The following KCNN2 variants were observed in gnomAD, a reference collection of about 807,000 sequenced individuals.
KCNN2 encodes the protein small conductance calcium-activated potassium channel protein 2.
A neutral mutation model predicts 55.5 loss-of-function variants in KCNN2; 24 were observed. That is an observed-to-expected ratio of 0.43 (90% CI 0.31 to 0.61). KCNN2 has a LOEUF of 0.61. KCNN2 is among the 20% of genes least tolerant of loss of function. The pLI, the probability that KCNN2 is intolerant of heterozygous loss-of-function variation, is 0.08. For synonymous variants in KCNN2, 431 were observed against 336.1 expected (o/e 1.28, Z -3.09); for missense variants, 754 against 853.6 (o/e 0.88, Z 1.45).
At position 114,271,209 on chromosome 5, in the gene KCNN2, G is replaced by T. The variant is rs933718678; in HGVS notation, c.-185+49644G>T. 2.3e-4 allele frequency among the ~76,000 whole-genome samples: 35 copies of T among 152,074 alleles called. 1 individual carries two copies. The stretch of plus-strand genomic sequence containing the variant: ...TCGTGCGTTTACAAACCTTTAGCTA[G>T]ACACAGAGCACTGATTGGTGCATTT... On this transcript the variant is annotated intron_variant, in intron 2 of 10. Transcript: ENST00000512097.
intron 4 of KCNN2, 130 bp from the exon 5 acceptor site, chr5:114,472,923 TG>T: frequency 1.8e-6 from 1 of 543,798 alleles, no homozygotes; most frequent in Non-Finnish European, 3.3e-6. Flanking sequence ...ACACATTTTC[TG>T]TAATACTTAT....
intron 2 of KCNN2, among the ~76,000 whole-genome samples, chr5:114,274,574 G>T (rs1279410838): frequency 6.6e-6 from 1 of 152,014 alleles, no homozygotes; most frequent in African/African-American, 2.4e-5. Flanking sequence ...TGTATTCCTA[G>T]GTATTTTATT....
At position 114,390,386 on chromosome 5, in the gene KCNN2, C is replaced by T. The variant is rs138807088; in HGVS notation, c.1219-14052C>T. 2.8e-4 allele frequency among the ~76,000 whole-genome samples: 42 copies of T among 152,220 alleles called. 1 individual carries two copies. Among genetic ancestry groups the T allele is most frequent in the African/African-American group, 9.9e-4 (41 of 41,540 alleles). On this transcript the variant is annotated intron_variant, in intron 2 of 7. Coordinates refer to ENST00000673685, the MANE Select transcript of KCNN2 (RefSeq NM_021614.4). Reference sequence around the variant, plus strand: ...CTTTGAATTTCTCATTTCATCTAACCTTTATTTTCATCATTTCCAGTAGCT... The same window carrying T: ...CTTTGAATTTCTCATTTCATCTAACTTTTATTTTCATCATTTCCAGTAGCT...
intron 1 of KCNN2, among the ~76,000 whole-genome samples, chr5:114,070,896 C>G (rs1580482764): frequency 6.6e-6 from 1 of 152,096 alleles, no homozygotes; most frequent in Non-Finnish European, 1.5e-5. Context: ...GAATTAATGC[C>G]ATTTTTAAGA....
At chr5:114,295,260 GT>G (rs1238746692) in intron 2 of KCNN2, among the ~76,000 whole-genome samples, 9 of 152,202 alleles carry the variant, frequency 5.9e-5, no homozygotes, top group African/African-American at 2.2e-4. Flanking sequence ...GTCTGCAGAG[GT>G]TACTGCTGTC....
chr5:114,325,505 C>T (rs1756697143), intron 2 of KCNN2, among the ~76,000 whole-genome samples: 1 of 152,150 alleles, frequency 6.6e-6, no homozygotes. Context: ...ACACAAAAGG[C>T]ACTTGAAAGA....
intron 3 of KCNN2, among the ~76,000 whole-genome samples, chr5:114,426,952 C>T (rs960280596): frequency 7.2e-5 from 11 of 152,130 alleles, no homozygotes; most frequent in African/African-American, 1.4e-4. Flanking sequence ...ACACTCACAG[C>T]GGAAAGGAAA....
At chr5:114,104,384 C>T (rs906779159) in intron 1 of KCNN2, among the ~76,000 whole-genome samples, 2 of 151,984 alleles carry the variant, frequency 1.3e-5, no homozygotes, top group Non-Finnish European at 1.5e-5. Context: ...CTCCTGGATT[C>T]GTTCATTTTT....
chr5:114,123,292 A>G (rs6876085), intron 1 of KCNN2, among the ~76,000 whole-genome samples: 21,004 of 151,290 alleles, frequency 0.14, 1,648 homozygotes, highest in East Asian at 0.29. Flanking sequence ...AAGCAGGTGC[A>G]TCCTTAGTAT....
At chr5:114,331,189 G>C (rs570379696) in intron 2 of KCNN2, among the ~76,000 whole-genome samples, 2 of 152,266 alleles carry the variant, frequency 1.3e-5, no homozygotes, top group Admixed American at 1.3e-4. Context: ...AAGAACAAAA[G>C]GTAGGGTTGG....
intron 2 of KCNN2, among the ~76,000 whole-genome samples, chr5:114,354,202 T>G (rs1010912378): frequency 5.9e-5 from 9 of 152,066 alleles, no homozygotes; most frequent in Non-Finnish European, 1.2e-4. Flanking sequence ...AATTTATCAT[T>G]GAATTTTTCA....
intron 3 of KCNN2, among the ~76,000 whole-genome samples, chr5:114,442,340 G>A (rs1257210730): frequency 6.6e-6 from 1 of 151,554 alleles, no homozygotes; most frequent in Non-Finnish European, 1.5e-5. Context: ...TCTGTTCATT[G>A]AAGTTTGGAG....
chr5:114,216,623 G>A (rs1754005948), intron 1 of KCNN2, among the ~76,000 whole-genome samples: 1 of 152,086 alleles, frequency 6.6e-6, no homozygotes, highest in Non-Finnish European at 1.5e-5. Context: ...TGGTAATAGA[G>A]AGGAACATCC....
At chr5:114,401,521 C>T (rs1438330636) in intron 2 of KCNN2, among the ~76,000 whole-genome samples, 4 of 152,132 alleles carry the variant, frequency 2.6e-5, no homozygotes, top group Non-Finnish European at 5.9e-5. Context: ...TAGGTAGACA[C>T]GGAGTCTCAC....
At chr5:114,059,348 A>G (rs1479476985) in intron 1 of KCNN2, among the ~76,000 whole-genome samples, 1 of 152,232 alleles carries the variant, frequency 6.6e-6, no homozygotes, top group Non-Finnish European at 1.5e-5. Context: ...AGCCAAGTAC[A>G]AATGTCAGAT....
intron 2 of KCNN2, among the ~76,000 whole-genome samples, chr5:114,294,606 C>G (rs1318847607): frequency 6.6e-6 from 1 of 151,184 alleles, no homozygotes; most frequent in Admixed American, 6.6e-5. Flanking sequence ...GAGTGCTTTA[C>G]TTCCAACTAT....
intron 1 of KCNN2, among the ~76,000 whole-genome samples, chr5:114,194,895 T>C (rs1342703853): frequency 1.3e-5 from 2 of 151,884 alleles, no homozygotes; most frequent in African/African-American, 4.8e-5. Context: ...AATTTTTTTT[T>C]TTTTTTTGCA....
At chr5:114,199,612 ATTTT>A (rs34199440) in intron 1 of KCNN2, among the ~76,000 whole-genome samples, 7,176 of 150,310 alleles carry the variant, frequency 0.048, 572 homozygotes, top group African/African-American at 0.16. Context: ...TGGGTTTTAT[ATTTT>A]TTTTTATGTG....
At chr5:114,394,019 A>G (rs1359061786) in intron 2 of KCNN2, among the ~76,000 whole-genome samples, 1 of 152,194 alleles carries the variant, frequency 6.6e-6, no homozygotes, top group Non-Finnish European at 1.5e-5. Flanking sequence ...TTGATATGAC[A>G]GATTTTATTC....
Sources: allele counts gnomAD v4.1 joint callset (sites outside exome capture counted in the v4.1 genomes callset), GRCh38; gene constraint gnomAD v4.1.1; transcripts MANE v1.5; gene names NCBI Gene and HGNC (gene_info 2026-07-23, HGNC 2026-07-21).